Variants in HOMER2 observed in about 807,000 individuals in gnomAD.
The protein encoded by HOMER2 is homer scaffold protein 2, also known as homer protein homolog 2.
HOMER2 carries 27 observed loss-of-function variants against 47.0 expected under a neutral mutation model. That is an observed-to-expected ratio of 0.57 (90% confidence interval 0.42 to 0.79). The LOEUF (loss-of-function observed/expected upper bound fraction) is 0.79. Ranked by LOEUF, HOMER2 falls within the 30% of genes least tolerant of loss-of-function variation. The pLI, the probability that HOMER2 is intolerant of heterozygous loss-of-function variation, is 0.00. For synonymous variants in HOMER2, 161 were observed against 163.8 expected (o/e 0.98, Z 0.13); for missense variants, 443 against 435.0 (o/e 1.02, Z -0.16).
At chr15:82,837,705 T>A (rs911682802) in exon 2 of HOMER2, 2 of 152,144 alleles carry the variant, frequency 1.3e-5, no homozygotes, top group Non-Finnish European at 2.9e-5. Context: ...GAGCTCTGCC[T>A]TGTGGGGGAG....
exon 2 of HOMER2, chr15:82,959,252 G>A (rs971722089): frequency 1.3e-5 from 2 of 152,486 alleles, no homozygotes; most frequent in Admixed American, 6.5e-5. Context: ...CTGGGCTGAG[G>A]TGTGGAGGCA....
At chr15:82,931,243 G>A (rs1403536367) in intron 1 of HOMER2, among the ~76,000 whole-genome samples, 6 of 152,118 alleles carry the variant, frequency 3.9e-5, no homozygotes, top group Non-Finnish European at 7.3e-5. Context: ...GGACAACTTC[G>A]TCCAGCACCC....
chr15:82,841,713 TAAC>T (rs1171615451), exon 2 of HOMER2: 6 of 152,138 alleles, frequency 3.9e-5, no homozygotes, highest in Non-Finnish European at 7.4e-5. Context: ...CGAAAGAAAT[TAAC>T]AACAGCAAAA....
intron 1 of HOMER2, among the ~76,000 whole-genome samples, chr15:82,899,573 T>C (rs1567041654): frequency 1.3e-5 from 2 of 152,264 alleles, no homozygotes; most frequent in Admixed American, 6.5e-5. Context: ...ACAGTAACGT[T>C]ATTCTTATTT....
At chr15:82,938,284 G>T (rs2054184711) in intron 1 of HOMER2, among the ~76,000 whole-genome samples, 1 of 152,198 alleles carries the variant, frequency 6.6e-6, no homozygotes, top group South Asian at 2.1e-4. Flanking sequence ...TGAGACAGGA[G>T]AATTGCTTGA....
At chr15:82,890,461 C>A (rs1367094042) in intron 2 of HOMER2, among the ~76,000 whole-genome samples, 1 of 152,180 alleles carries the variant, frequency 6.6e-6, no homozygotes, top group Admixed American at 6.5e-5. Flanking sequence ...GGATTCCCAG[C>A]CTGTAAGTGA....
rs1042291308 is a variant in HOMER2 at position 82,854,803 on chromosome 15, G to A, written c.495-3C>T. The stretch of plus-strand genomic sequence containing the variant: ...CCCACTTCTTCACGTTGGCTGCGCT[G>A]CAGGACAGGGACGGGCGGTGACGAC... On this transcript the variant is annotated splice_region_variant and splice_polypyrimidine_tract_variant and intron_variant, in intron 5 of 8. Coordinates refer to ENST00000450735, the MANE Select transcript of HOMER2 (RefSeq NM_004839.4). The A allele has an allele frequency of 3.1e-6, 5 of 1,607,436 alleles. No individual in the cohort carries two copies. Among genetic ancestry groups the A allele is most frequent in the Admixed American group, 1.7e-5 (1 of 60,004 alleles).
At chr15:82,941,022 T>C (rs1440114363) in intron 1 of HOMER2, among the ~76,000 whole-genome samples, 1 of 152,182 alleles carries the variant, frequency 6.6e-6, no homozygotes, top group Non-Finnish European at 1.5e-5. Context: ...AAGGCAAGGT[T>C]TACATTATAT....
At chr15:82,952,434 C>T in intron 1 of HOMER2, 97 bp downstream of exon 1, 2 of 894,598 alleles carry the variant, frequency 2.2e-6, no homozygotes, top group Non-Finnish European at 1.4e-6. Flanking sequence ...AGGCGGGGGC[C>T]GGCCCGCCGG....
intron 1 of HOMER2, among the ~76,000 whole-genome samples, chr15:82,929,557 G>A (rs2053950900): frequency 6.7e-6 from 1 of 149,170 alleles, no homozygotes; most frequent in South Asian, 2.1e-4. Context: ...TTGGGAGGCT[G>A]AGGCAAGAGA....
chr15:82,968,020 T>C (rs2054691423), intron 1 of HOMER2, among the ~76,000 whole-genome samples: 1 of 152,234 alleles, frequency 6.6e-6, no homozygotes, highest in Non-Finnish European at 1.5e-5. Flanking sequence ...ATATAACATA[T>C]TGTAACAAAA....
chr15:82,843,598 A>AC (rs1874867141), exon 2 of HOMER2: 1 of 151,908 alleles, frequency 6.6e-6, no homozygotes, highest in African/African-American at 2.4e-5. Flanking sequence ...AAAAAGCCAT[A>AC]CGTGCAACTT....
chr15:82,926,953 C>G (rs563563883), intron 1 of HOMER2, among the ~76,000 whole-genome samples: 18 of 152,250 alleles, frequency 1.2e-4, no homozygotes, highest in African/African-American at 3.9e-4. Flanking sequence ...TACAAATTAC[C>G]CAGACTGTAG....
rs114573014 is a variant in HOMER2 at position 82,853,241 on chromosome 15, C to T, written c.652-989G>A. On this transcript the variant is annotated intron_variant, in intron 6 of 8. Transcript: ENST00000450735. The stretch of plus-strand genomic sequence containing the variant: ...CACGCCTCCAAGGGAGCGAGTTGTG[C>T]GTGATGCTCTTCCTCCACTCCCCCC... Among the ~76,000 whole-genome samples, 1,302 of 152,290 alleles carry T rather than the reference C, an allele frequency of 8.5e-3. 19 individuals carry two copies. Among genetic ancestry groups the T allele is most frequent in the African/African-American group, 0.03 (1,226 of 41,530 alleles).
At chr15:82,861,559 C>T (rs951859936) in intron 4 of HOMER2, among the ~76,000 whole-genome samples, 9 of 152,076 alleles carry the variant, frequency 5.9e-5, no homozygotes, top group Admixed American at 5.2e-4. Flanking sequence ...ATACAATAAA[C>T]ATGTATTGCA....
intron 1 of HOMER2, among the ~76,000 whole-genome samples, chr15:82,911,549 T>G (rs2053455516): frequency 6.6e-6 from 1 of 152,144 alleles, no homozygotes; most frequent in South Asian, 2.1e-4. Flanking sequence ...TTACAAAAAG[T>G]GTAAAGCATA....
At chr15:82,971,321 T>G (rs1219191755) in intron 1 of HOMER2, among the ~76,000 whole-genome samples, 1 of 152,056 alleles carries the variant, frequency 6.6e-6, no homozygotes, top group African/African-American at 2.4e-5. Flanking sequence ...CATGGCTCGT[T>G]TCTAACATTG....
chr15:82,931,728 C>T (rs1036382254), intron 1 of HOMER2, among the ~76,000 whole-genome samples: 1 of 152,132 alleles, frequency 6.6e-6, no homozygotes, highest in Admixed American at 6.5e-5. Flanking sequence ...GTCCCAGCTA[C>T]TCAGAAGACT....
intron 1 of HOMER2, among the ~76,000 whole-genome samples, chr15:82,896,561 G>C (rs755746582): frequency 2.0e-5 from 3 of 152,208 alleles, no homozygotes; most frequent in Non-Finnish European, 4.4e-5. Flanking sequence ...CCTCTGCAGG[G>C]CAAGTGGCTG....
Sources: gnomAD v4.1 joint callset for allele counts (sites outside exome capture counted in the v4.1 genomes callset) on GRCh38, gnomAD v4.1.1 for gene constraint, MANE v1.5 for transcripts, NCBI Gene and HGNC (gene_info 2026-07-23, HGNC 2026-07-21) for gene names.